ATRX: variants seen among roughly 807,000 people sequenced by gnomAD.
The protein encoded by ATRX is ATRX chromatin remodeler.
A neutral mutation model predicts 172.6 loss-of-function variants in ATRX; 12 were observed. The ratio of observed to expected loss-of-function variants is 0.07; its 90% CI spans 0.04 to 0.11. The LOEUF is 0.11. ATRX is among the 10% of genes least tolerant of loss of function. ATRX has a pLI of 1.00. For missense variants in ATRX, 1,368 were observed against 1,767.4 expected (o/e 0.77, Z 4.05); for synonymous variants, 674 against 594.7 (o/e 1.13, Z -1.94).
chrX:77,679,584 A>G (rs1250287477), intron 9 of ATRX, among the ~76,000 whole-genome samples: 2 of 111,961 alleles, frequency 1.8e-5, no homozygotes, highest in Non-Finnish European at 3.8e-5. Flanking sequence ...ATAATTCTCA[A>G]CATGAGAGGT....
At chrX:77,720,910 C>T (rs2073723611) in intron 1 of ATRX, among the ~76,000 whole-genome samples, 1 of 111,570 alleles carries the variant, frequency 9.0e-6, no homozygotes, top group Admixed American at 9.6e-5. Flanking sequence ...TGATGAACAT[C>T]GATGCAAAAA....
chrX:77,520,934 T>C lies in ATRX; in HGVS notation c.7072-18A>G. On this transcript the variant is annotated intron_variant, in intron 33 of 34. Coordinates refer to ENST00000373344, the MANE Select transcript of ATRX (RefSeq NM_000489.6). ...TCCTTCCACTAAAAGAAAAATTTTC[T>C]ATTTACTCCTTATTACTGTACAATT... 1 of 1,185,268 alleles carries C rather than the reference T, an allele frequency of 8.4e-7. No homozygotes were observed. Among genetic ancestry groups the C allele is most frequent in the Non-Finnish European group, 1.1e-6 (1 of 871,963 alleles).
intron 30 of ATRX, among the ~76,000 whole-genome samples, chrX:77,552,544 T>C (rs1163946587): frequency 1.8e-5 from 2 of 109,235 alleles, no homozygotes; most frequent in Admixed American, 2.0e-4. Context: ...CACACCAACA[T>C]GGCACACGTA....
chrX:77,729,934 C>T (rs182375555), intron 1 of ATRX, among the ~76,000 whole-genome samples: 16 of 111,364 alleles, frequency 1.4e-4, no homozygotes, highest in African/African-American at 2.0e-4. Context: ...AAGACCGTCT[C>T]GGAAAAATAA....
At chrX:77,553,623 C>T (rs2064646877) in intron 30 of ATRX, among the ~76,000 whole-genome samples, 1 of 111,633 alleles carries the variant, frequency 9.0e-6, no homozygotes, top group Non-Finnish European at 1.9e-5. Context: ...ACTTGAGGTT[C>T]TTCAAACTTA....
At chrX:77,753,734 A>C (rs1557188711) in intron 1 of ATRX, among the ~76,000 whole-genome samples, 2 of 111,835 alleles carry the variant, frequency 1.8e-5, no homozygotes, top group Admixed American at 9.6e-5. Context: ...GCAGTCATTC[A>C]GGAGCAGGTT....
At chrX:77,584,751 A>C (rs1381937850) in intron 27 of ATRX, among the ~76,000 whole-genome samples, 1 of 111,481 alleles carries the variant, frequency 9.0e-6, no homozygotes, top group Non-Finnish European at 1.9e-5. Flanking sequence ...GACTAGGCAA[A>C]GATTTTTTGA....
chrX:77,570,184 CTT>C (rs200709036), intron 28 of ATRX, among the ~76,000 whole-genome samples: 2 of 103,239 alleles, frequency 1.9e-5, no homozygotes. Context: ...TTTCTTCGTT[CTT>C]TTTTTTTTTT....
In ATRX at chrX:77,634,707, A is replaced by C; in HGVS notation, c.4700-4T>G. Reference sequence around the variant, plus strand: ...CAATCCCACATAAACTGAACACCTAAAAATAACAGCTTCATTAAGTTAAAT... The same window carrying C: ...CAATCCCACATAAACTGAACACCTACAAATAACAGCTTCATTAAGTTAAAT... On this transcript the variant is annotated splice_polypyrimidine_tract_variant and splice_region_variant and intron_variant, in intron 16 of 34. Coordinates refer to ENST00000373344, the MANE Select transcript of ATRX (RefSeq NM_000489.6). The C allele has an allele frequency of 8.4e-7, 1 of 1,193,053 alleles. No individual in the cohort carries two copies. The highest frequency in any genetic ancestry group is 1.8e-5 in the South Asian group (1 of 56,536).
At chrX:77,671,650 C>T (rs912986530) in intron 10 of ATRX, among the ~76,000 whole-genome samples, 1 of 110,722 alleles carries the variant, frequency 9.0e-6, no homozygotes, top group Admixed American at 9.6e-5. Context: ...ACAGAATTTA[C>T]TCATCTCAAA....
intron 34 of ATRX, 54 bp downstream of exon 34, chrX:77,520,734 A>G (rs781827696): frequency 1.0e-5 from 12 of 1,166,121 alleles, no homozygotes; most frequent in Non-Finnish European, 1.3e-5. Context: ...AACTTATTAT[A>G]AAGTCAAGAA....
Position 77,683,366 on chromosome X carries a change from T to A in ATRX, c.1890A>T (p.Gly630=), listed in dbSNP as rs782466655. 3.3e-6 allele frequency: 4 copies of A among 1,211,599 alleles called. No homozygotes were observed. The highest frequency in any genetic ancestry group is 2.2e-6 in the Non-Finnish European group (2 of 895,356). The part of the protein sequence containing the change: ...LNPKLEKCGL[G]QENSDNEHLV... ...AATGCTCATTATCACTGTTTTCCTGTCCAAGTCCACATTTCTCTAACTTGG... is the reference window on the plus strand; with the variant it reads ...AATGCTCATTATCACTGTTTTCCTGACCAAGTCCACATTTCTCTAACTTGG... Residue 630 remains glycine (G), a synonymous_variant, in exon 9 of 35, where the codon GGA becomes GGT. Transcript: ENST00000373344.
rs145017544 is a variant in ATRX at position 77,779,974 on chromosome X, G to A, written c.20+6008C>T. On this transcript the variant is annotated intron_variant, in intron 1 of 34. Coordinates refer to ENST00000373344, the MANE Select transcript of ATRX (RefSeq NM_000489.6). ...ACTTCCCAGCGCAAAAAGAACAACC[G>A]GCTAGAACTAACATAGGTATTTTCA... Among the ~76,000 whole-genome samples, 942 of 111,680 alleles carry A rather than the reference G, an allele frequency of 8.4e-3. 10 individuals carry two copies. Among genetic ancestry groups the A allele is most frequent in the African/African-American group, 0.028 (871 of 30,763 alleles).
At chrX:77,772,832 G>A (rs2076207234) in intron 1 of ATRX, among the ~76,000 whole-genome samples, 1 of 108,240 alleles carries the variant, frequency 9.2e-6, no homozygotes, top group South Asian at 4.0e-4. Flanking sequence ...CTTGTGGTAT[G>A]TGTATTTCAC....
chrX:77,653,734 T>C (rs1393647596), intron 14 of ATRX, among the ~76,000 whole-genome samples: 2 of 111,907 alleles, frequency 1.8e-5, no homozygotes, highest in Non-Finnish European at 3.8e-5. Flanking sequence ...TATGTAAGCC[T>C]GCTTAAATAC....
chrX:77,689,282 G>A (rs1557145803), intron 6 of ATRX, among the ~76,000 whole-genome samples: 1 of 111,725 alleles, frequency 9.0e-6, no homozygotes, highest in Admixed American at 9.5e-5. Flanking sequence ...TTAAAGAATG[G>A]GGAAGTAAGT....
At position 77,570,422 on chromosome X, in the gene ATRX, A is replaced by G. The variant is rs45479193; in HGVS notation, c.6326+3828T>C. 6.6e-3 allele frequency among the ~76,000 whole-genome samples: 713 copies of G among 108,217 alleles called. 2 individuals are homozygous for G. Among genetic ancestry groups the G allele is most frequent in the Non-Finnish European group, 1.0e-2 (520 of 52,139 alleles). 94.0% of individuals were successfully genotyped at this position (108,217 alleles called of 115,157 possible). On this transcript the variant is annotated intron_variant, in intron 28 of 34. Coordinates refer to ENST00000373344, the MANE Select transcript of ATRX (RefSeq NM_000489.6). ...ATTCCTGGGCTCAGCCTCCCAAACC[A>G]CTAGGATTACAAGTATGAGCCACTG...
chrX:77,772,309 CAA>C (rs782216980), intron 1 of ATRX, among the ~76,000 whole-genome samples: 10 of 56,813 alleles, frequency 1.8e-4, no homozygotes, highest in Admixed American at 2.2e-4. Context: ...GAATCCGTCT[CAA>C]AAAAAAAAAA....
intron 34 of ATRX, among the ~76,000 whole-genome samples, chrX:77,512,231 ACAT>A (rs782297971): frequency 2.7e-5 from 3 of 112,186 alleles, no homozygotes; most frequent in Admixed American, 9.4e-5. Flanking sequence ...TTACCCTAGA[ACAT>A]CATATCTGGT....
Sources: gnomAD v4.1 joint callset for allele counts (sites outside exome capture counted in the v4.1 genomes callset) on GRCh38, gnomAD v4.1.1 for gene constraint, MANE v1.5 for transcripts, NCBI Gene and HGNC (gene_info 2026-07-23, HGNC 2026-07-21) for gene names.